The following ABR variants were observed in gnomAD, a reference collection of about 807,000 sequenced individuals.
The protein encoded by ABR is active breakpoint cluster region-related protein.
In ABR, 35 loss-of-function variants were observed where a neutral mutation model predicts 107.2. The ratio of observed to expected loss-of-function variants is 0.33; its 90% CI spans 0.25 to 0.43. The LOEUF is 0.43. Among genes scored for constraint, ABR ranks in the 20% least tolerant of loss-of-function variants. ABR has a pLI of 1.00. For missense variants in ABR, 815 were observed against 1,115.2 expected (o/e 0.73, Z 3.83); for synonymous variants, 498 against 462.0 (o/e 1.08, Z -1.00).
intron 9 of ABR, among the ~76,000 whole-genome samples, chr17:1,067,777 G>A (rs976502879): frequency 2.6e-5 from 4 of 152,164 alleles, no homozygotes; most frequent in African/African-American, 9.7e-5. Flanking sequence ...CCATGGCAAA[G>A]GACAGCAGGC....
intron 2 of ABR, among the ~76,000 whole-genome samples, chr17:1,110,085 G>A (rs1416786411): frequency 6.6e-6 from 1 of 150,448 alleles, no homozygotes; most frequent in African/African-American, 2.5e-5. Context: ...ACCGCAGGGA[G>A]CCATCCTGCA....
At chr17:1,030,884 T>A (rs1302663337) in intron 16 of ABR, among the ~76,000 whole-genome samples, 1 of 152,264 alleles carries the variant, frequency 6.6e-6, no homozygotes, top group African/African-American at 2.4e-5. Context: ...GCACTTCCTG[T>A]GCGCTGGGCG....
intron 16 of ABR, among the ~76,000 whole-genome samples, chr17:1,029,292 G>C (rs2150894653): frequency 6.6e-6 from 1 of 152,152 alleles, no homozygotes; most frequent in South Asian, 2.1e-4. Flanking sequence ...CCGGTGACAA[G>C]AACAGCCCAA....
chr17:1,111,207 G>A (rs965306602), intron 2 of ABR, among the ~76,000 whole-genome samples: 23 of 152,106 alleles, frequency 1.5e-4, no homozygotes, highest in Middle Eastern at 3.4e-3. Flanking sequence ...GGATATCCTC[G>A]TCCCCGTTCC....
chr17:1,080,174 G>C (rs1032952370), intron 5 of ABR, among the ~76,000 whole-genome samples: 1 of 152,134 alleles, frequency 6.6e-6, no homozygotes, highest in African/African-American at 2.4e-5. Flanking sequence ...GAGCTCCCCA[G>C]GACAGTGAGC....
intron 1 of ABR, among the ~76,000 whole-genome samples, chr17:1,162,051 G>A (rs951304999): frequency 6.6e-5 from 10 of 152,186 alleles, no homozygotes; most frequent in African/African-American, 1.7e-4. Context: ...CGCTGGGTTC[G>A]AATCCAGGCT....
chr17:1,114,139 C>T (rs1254417429), intron 2 of ABR, among the ~76,000 whole-genome samples: 1 of 143,462 alleles, frequency 7.0e-6, no homozygotes, highest in East Asian at 2.1e-4. Flanking sequence ...TACTGTGTTC[C>T]AGACTGGGCC....
chr17:1,205,670 C>T (rs144182863), intron 1 of ABR, among the ~76,000 whole-genome samples: 7 of 152,262 alleles, frequency 4.6e-5, no homozygotes, highest in Admixed American at 1.3e-4. Context: ...ATTGGCCAGG[C>T]GCGGCGGCTC....
intron 4 of ABR, among the ~76,000 whole-genome samples, chr17:1,085,169 G>GTGA (rs545532165): frequency 1.4e-3 from 185 of 134,656 alleles, no homozygotes; most frequent in African/African-American, 5.1e-3. Flanking sequence ...CTGGAATGCA[G>GTGA]TGATGCCATC....
chr17:1,221,796 AAG>A (rs1296037170), intron 1 of ABR, among the ~76,000 whole-genome samples: 1 of 152,252 alleles, frequency 6.6e-6, no homozygotes, highest in African/African-American at 2.4e-5. Flanking sequence ...TGCAGACGCC[AAG>A]AGAGACAGGG....
intron 21 of ABR, among the ~76,000 whole-genome samples, chr17:1,007,785 G>C (rs921183570): frequency 6.6e-6 from 1 of 152,334 alleles, no homozygotes; most frequent in African/African-American, 2.4e-5. Flanking sequence ...TTTGAACCCC[G>C]GTAGCTGCCT....
At position 1,179,922 on chromosome 17, in the gene ABR, G is replaced by C. The variant is rs979274088; in HGVS notation, c.-195C>G. On this transcript the variant is annotated 5_prime_UTR_variant, in exon 1 of 23. Coordinates refer to ENST00000302538, the MANE Select transcript of ABR (RefSeq NM_021962.5). The surrounding 1 kb of genome is among the most constrained non-coding windows in gnomAD (Gnocchi z 4.9). ...GGGCGGGAGCCCCCAAAACCCTCCC[G>C]AACCCTCCCGGCCCCAGCGGCCGCG... is the stretch of plus-strand genomic sequence containing the variant. 4.5e-5 allele frequency: 16 copies of C among 357,030 alleles called. No individual in the cohort carries two copies. Among genetic ancestry groups the C allele is most frequent in the African/African-American group, 3.2e-4 (14 of 44,114 alleles). The allele number at this position is 357,030 out of a possible 1,614,324, so 22.1% of individuals were successfully genotyped here.
At chr17:1,055,926 C>G (rs967389857) in intron 14 of ABR, 109 bp downstream of exon 14, 2 of 1,064,240 alleles carry the variant, frequency 1.9e-6, no homozygotes, top group African/African-American at 3.1e-5. Context: ...TTTCTGGCCT[C>G]CAGGGGAATG....
intron 16 of ABR, chr17:1,031,942 C>CGCCCT: frequency 1.0e-6 from 1 of 978,060 alleles, no homozygotes; most frequent in Non-Finnish European, 1.3e-6. Flanking sequence ...CCTCCTTCCC[C>CGCCCT]GCCCTCCGCG....
chr17:1,064,141 T>A (rs2034396696), intron 10 of ABR, among the ~76,000 whole-genome samples: 1 of 119,976 alleles, frequency 8.3e-6, no homozygotes, highest in Non-Finnish European at 1.7e-5. Context: ...GCTATGCATG[T>A]TCCTCTAGAC....
At chr17:1,077,233 C>T (rs1191303420) in intron 6 of ABR, among the ~76,000 whole-genome samples, 3 of 152,104 alleles carry the variant, frequency 2.0e-5, no homozygotes, top group Non-Finnish European at 2.9e-5. Flanking sequence ...GAAAGAGTGA[C>T]CAGGATGGGG....
upstream of ABR, among the ~76,000 whole-genome samples, chr17:1,184,519 G>C (rs918802853): frequency 2.6e-5 from 4 of 152,188 alleles, no homozygotes; most frequent in African/African-American, 9.6e-5. Flanking sequence ...GCTCAGCGCA[G>C]TGGGTGAACA....
At chr17:1,055,426 G>C (rs2033152012) in intron 14 of ABR, 2 of 152,508 alleles carry the variant, frequency 1.3e-5, no homozygotes, top group Middle Eastern at 3.4e-3. Context: ...TAAGAAACTT[G>C]CCCAAGGTCA....
chr17:1,020,698 C>A (rs1053284655), intron 16 of ABR, among the ~76,000 whole-genome samples: 1 of 152,166 alleles, frequency 6.6e-6, no homozygotes, highest in African/African-American at 2.4e-5. Flanking sequence ...GGCCCCGCAG[C>A]GGGGAGAGGA....
Sources: allele counts gnomAD v4.1 joint callset (sites outside exome capture counted in the v4.1 genomes callset), GRCh38; gene constraint gnomAD v4.1.1; non-coding constraint Gnocchi (gnomAD v3.1); transcripts MANE v1.5; gene names NCBI Gene and HGNC (gene_info 2026-07-23, HGNC 2026-07-21).